Variants in PARD3B observed in about 807,000 individuals in gnomAD.
PARD3B encodes the protein partitioning defective 3 homolog B.
Under a neutral mutation model 130.2 loss-of-function variants are expected in PARD3B, and 103 were observed. That is an observed-to-expected ratio of 0.79 (90% CI 0.67 to 0.93). The LOEUF (loss-of-function observed/expected upper bound fraction) is 0.93, where lower values mean the gene tolerates loss of function less well. Among genes scored for constraint, PARD3B ranks in the 40% least tolerant of loss-of-function variants. The pLI is 0.00. For synonymous variants in PARD3B, 583 were observed against 553.2 expected (o/e 1.05, Z -0.76); for missense variants, 1,609 against 1,499.2 (o/e 1.07, Z -1.21).
intron 2 of PARD3B, among the ~76,000 whole-genome samples, chr2:204,948,367 C>T (rs972732333): frequency 6.6e-6 from 1 of 152,128 alleles, no homozygotes; most frequent in Non-Finnish European, 1.5e-5. Context: ...AATGTTTTCT[C>T]CCCATAAGCT....
At chr2:205,513,867 A>AAGAG (rs1165096284) in intron 21 of PARD3B, among the ~76,000 whole-genome samples, 1 of 152,098 alleles carries the variant, frequency 6.6e-6, no homozygotes, top group Non-Finnish European at 1.5e-5. Flanking sequence ...ATGCATAGGA[A>AAGAG]AGAGAGACTA....
intron 19 of PARD3B, among the ~76,000 whole-genome samples, chr2:205,416,656 A>G (rs1451721526): frequency 6.6e-6 from 1 of 152,176 alleles, no homozygotes; most frequent in Non-Finnish European, 1.5e-5. Context: ...TTAAGGCAAC[A>G]TGATAATAAG....
intron 15 of PARD3B, among the ~76,000 whole-genome samples, chr2:205,206,438 G>T: frequency 7.0e-6 from 1 of 142,200 alleles, no homozygotes; most frequent in Non-Finnish European, 1.5e-5. Context: ...CATTGTTCAA[G>T]TCCCACCTAT....
At chr2:204,956,143 A>T (rs908661020) in intron 2 of PARD3B, among the ~76,000 whole-genome samples, 2 of 152,226 alleles carry the variant, frequency 1.3e-5, no homozygotes, top group African/African-American at 4.8e-5. Context: ...TTGCAGAAAT[A>T]AACCAACCTT....
chr2:205,335,171 G>A (rs768307548), intron 18 of PARD3B, among the ~76,000 whole-genome samples: 1 of 152,128 alleles, frequency 6.6e-6, no homozygotes, highest in Non-Finnish European at 1.5e-5. Context: ...TTTATAATCT[G>A]TGTTGCTTTG....
At chr2:204,748,259 C>T (rs1194645506) in intron 2 of PARD3B, among the ~76,000 whole-genome samples, 3 of 151,952 alleles carry the variant, frequency 2.0e-5, no homozygotes, top group Non-Finnish European at 2.9e-5. Context: ...AAAAATGTCA[C>T]CAGTTCATAC....
At chr2:204,613,871 TTATG>T (rs2034016607) in intron 1 of PARD3B, among the ~76,000 whole-genome samples, 1 of 152,158 alleles carries the variant, frequency 6.6e-6, no homozygotes, top group Non-Finnish European at 1.5e-5. Flanking sequence ...TTCTTTTTAT[TTATG>T]TTAGTCTCCT....
In PARD3B at chr2:204,675,356, C is replaced by T. The variant is rs183096937; in HGVS notation, c.121-10825C>T. Among the ~76,000 whole-genome samples the T allele has an allele frequency of 9.7e-4, 147 of 151,840 alleles. No homozygotes were observed. Among genetic ancestry groups the T allele is most frequent in the African/African-American group, 3.4e-3 (141 of 41,418 alleles). ...ATTTTTTTTAATTTCAGACTTTTAA[C>T]GTTTAATTTTCCTGATATAACTTCA... On this transcript the variant is annotated intron_variant, in intron 1 of 22. Transcript: ENST00000406610. This position sits in a 1 kb window ranked among gnomAD's most constrained non-coding sequence, Gnocchi z 4.4.
At position 205,105,597 on chromosome 2, in the gene PARD3B, A is replaced by G. The variant is rs929438224; in HGVS notation, c.593+1083A>G. The stretch of plus-strand genomic sequence containing the variant: ...TATTTATAGCCACGTGAGCATAGTT[A>G]CTCTTTATTTAGATCGTTTCTTTGA... On this transcript the variant is annotated intron_variant, in intron 5 of 22. Coordinates refer to ENST00000406610, the MANE Select transcript of PARD3B (RefSeq NM_001302769.2). This position sits in a 1 kb window ranked among gnomAD's most constrained non-coding sequence, Gnocchi z 4.0. Among the ~76,000 whole-genome samples, 3 of 151,984 alleles carry G rather than the reference A, an allele frequency of 2.0e-5. No homozygotes were observed. Among genetic ancestry groups the G allele is most frequent in the African/African-American group, 7.2e-5 (3 of 41,394 alleles).
intron 15 of PARD3B, among the ~76,000 whole-genome samples, chr2:205,222,633 G>C (rs1051985871): frequency 6.6e-6 from 1 of 152,220 alleles, no homozygotes; most frequent in African/African-American, 2.4e-5. Context: ...AGTTAATAGT[G>C]AATAATGGCC....
At chr2:205,084,133 T>C (rs1701602518) in intron 4 of PARD3B, among the ~76,000 whole-genome samples, 3 of 152,126 alleles carry the variant, frequency 2.0e-5, no homozygotes, top group Non-Finnish European at 4.4e-5. Context: ...TGCAATAGAA[T>C]CTAAAATGCA....
rs2048504270 is a variant in PARD3B at position 205,463,052 on chromosome 2, A to G, written c.3044+22380A>G. 6.6e-6 allele frequency among the ~76,000 whole-genome samples: 1 copy of G among 152,160 alleles called. No homozygotes were observed. Among genetic ancestry groups the G allele is most frequent in the Non-Finnish European group, 1.5e-5 (1 of 68,020 alleles). Reference sequence around the variant, plus strand: ...TCCTAGTTAGAGAAAAAGTCATCTCAGCATCAACTGACAATTATTTTTTTT... The same window carrying G: ...TCCTAGTTAGAGAAAAAGTCATCTCGGCATCAACTGACAATTATTTTTTTT... On this transcript the variant is annotated intron_variant, in intron 20 of 22. Coordinates refer to ENST00000406610, the MANE Select transcript of PARD3B (RefSeq NM_001302769.2). This position sits in a 1 kb window ranked among gnomAD's most constrained non-coding sequence, Gnocchi z 4.8.
At chr2:205,361,113 A>G (rs1402515608) in intron 18 of PARD3B, among the ~76,000 whole-genome samples, 1 of 152,164 alleles carries the variant, frequency 6.6e-6, no homozygotes, top group Non-Finnish European at 1.5e-5. Context: ...ATAAGAAAAA[A>G]AAACTTGGAG....
intron 2 of PARD3B, among the ~76,000 whole-genome samples, chr2:204,827,607 A>C (rs935778283): frequency 1.3e-5 from 2 of 152,226 alleles, no homozygotes; most frequent in Non-Finnish European, 1.5e-5. Context: ...AATGAAGTTG[A>C]CATGTGGAAG....
intron 22 of PARD3B, among the ~76,000 whole-genome samples, chr2:205,571,065 A>G (rs536034298): frequency 2.0e-5 from 3 of 152,238 alleles, no homozygotes; most frequent in Non-Finnish European, 4.4e-5. Context: ...GCAACAGTTG[A>G]TATTTGAAAA....
chr2:205,354,026 C>CTTTTTTTTTTTTTTTTTTTTT (rs869308018), intron 18 of PARD3B, among the ~76,000 whole-genome samples: 3 of 50,362 alleles, frequency 6.0e-5, no homozygotes, highest in Non-Finnish European at 8.3e-5. Context: ...TTTTCTTTTC[C>CTTTTTTTTTTTTTTTTTTTTT]TTTTTTTTTT....
At chr2:204,761,332 A>G (rs947830602) in intron 2 of PARD3B, among the ~76,000 whole-genome samples, 4 of 152,244 alleles carry the variant, frequency 2.6e-5, no homozygotes, top group African/African-American at 9.6e-5. Flanking sequence ...GTTAGAATAC[A>G]GATCACTAAA....
rs2030735099 is a variant in PARD3B at position 205,121,640 on chromosome 2, C to G, written c.856C>G (p.His286Asp). 1 of 1,614,020 alleles carries G rather than the reference C, an allele frequency of 6.2e-7. No individual in the cohort carries two copies. The highest frequency in any genetic ancestry group is 1.7e-5 in the Admixed American group (1 of 60,002). The part of the protein sequence containing the change: ...QAMKSPSVLL[H>D]VLPPQNREQY... ...AATGAAATCTCCAAGTGTGCTCCTC[C>G]ACGTGCTTCCTCCACAAAACCGTGA... The change falls in exon 8 of 23, where the codon CAC (histidine) becomes GAC (aspartate). Residue 286 changes from histidine (H) to aspartate (D), a missense_variant. By Grantham distance (81) the His-to-Asp change is moderately conservative. Coordinates refer to ENST00000406610, the MANE Select transcript of PARD3B (RefSeq NM_001302769.2). The surrounding 1 kb of genome is among the most constrained non-coding windows in gnomAD (Gnocchi z 5.0).
intron 14 of PARD3B, among the ~76,000 whole-genome samples, chr2:205,191,818 A>G (rs888387668): frequency 2.6e-5 from 4 of 152,144 alleles, no homozygotes; most frequent in Non-Finnish European, 5.9e-5. Context: ...TGGGCCAGAC[A>G]CACCACAGTG....
Sources: gnomAD v4.1 joint callset for allele counts (sites outside exome capture counted in the v4.1 genomes callset) on GRCh38, gnomAD v4.1.1 for gene constraint, Gnocchi (gnomAD v3.1) non-coding constraint, MANE v1.5 for transcripts, NCBI Gene and HGNC (gene_info 2026-07-23, HGNC 2026-07-21) for gene names.